Variants in UPF1 observed in about 807,000 individuals in gnomAD.
UPF1 encodes UPF1 RNA helicase and ATPase, also known as regulator of nonsense transcripts 1.
In UPF1, 9 loss-of-function variants were observed where a neutral mutation model predicts 129.2. The ratio of observed to expected loss-of-function variants is 0.07; its 90% CI spans 0.04 to 0.12. The LOEUF is 0.12. UPF1 is among the 10% of genes least tolerant of loss of function. The pLI is 1.00. For synonymous variants in UPF1, 649 were observed against 644.9 expected (o/e 1.01, Z -0.10); for missense variants, 788 against 1,525.3 (o/e 0.52, Z 8.05).
intron 15 of UPF1, among the ~76,000 whole-genome samples, chr19:18,858,959 A>G (rs909420160): frequency 6.6e-6 from 1 of 152,190 alleles, no homozygotes; most frequent in Non-Finnish European, 1.5e-5. Context: ...ATGAACTCCA[A>G]ACCTGTGAGG....
chr19:18,863,327 C>T (rs2055802295), intron 18 of UPF1, 111 bp from the exon 19 acceptor site: 1 of 1,424,320 alleles, frequency 7.0e-7, no homozygotes, highest in Non-Finnish European at 9.6e-7. Context: ...CCGGTCCACG[C>T]CTCTGTTGCC....
At position 18,865,713 on chromosome 19, in the gene UPF1, T is replaced by C; in HGVS notation, c.3172T>C (p.Tyr1058His). The C allele has an allele frequency of 6.2e-7, 1 of 1,613,610 alleles. No homozygotes were observed. Among genetic ancestry groups the C allele is most frequent in the Non-Finnish European group, 8.5e-7 (1 of 1,180,014 alleles). ...PFSQGALTQG[Y>H]ISMSQPSQMS... Reference sequence around the variant, plus strand: ...CTCTCAGGGCGCCCTGACGCAGGGCTACATCTCCATGAGCCAGCCTTCCCA... The same window carrying C: ...CTCTCAGGGCGCCCTGACGCAGGGCCACATCTCCATGAGCCAGCCTTCCCA... Residue 1058 changes from tyrosine (Y) to histidine (H), a missense_variant, in exon 22 of 24, where the codon TAC becomes CAC. Tyr to His is a moderately conservative substitution (Grantham distance 83, BLOSUM62 2). Transcript: ENST00000262803. This position sits in a 1 kb window ranked among gnomAD's most constrained non-coding sequence, Gnocchi z 6.1.
rs1269289902 is a variant in UPF1 at position 18,851,306 on chromosome 19, G to T, written c.810+438G>T. Among the ~76,000 whole-genome samples the T allele has an allele frequency of 6.6e-6, 1 of 152,214 alleles. No homozygotes were observed. Among genetic ancestry groups the T allele is most frequent in the African/African-American group, 2.4e-5 (1 of 41,458 alleles). On this transcript the variant is annotated intron_variant, in intron 5 of 23. Transcript: ENST00000262803. The surrounding 1 kb of genome is among the most constrained non-coding windows in gnomAD (Gnocchi z 4.2). The stretch of plus-strand genomic sequence containing the variant: ...AGAGGAGAGGGTGCCGGGTCAAGTA[G>T]TGGGTGCCTGGCCCTCCTTCCACAG...
chr19:18,852,959 C>A, intron 6 of UPF1, 28 bp from the exon 7 acceptor site: 3 of 1,598,534 alleles, frequency 1.9e-6, no homozygotes, highest in Non-Finnish European at 2.6e-6. Context: ...TGGAGGCTAA[C>A]CGGGGCTCTT....
Position 18,852,141 on chromosome 19 carries a change from C to G in UPF1, c.817C>G (p.Pro273Ala), listed in dbSNP as rs776365278. 1.2e-6 allele frequency: 2 copies of G among 1,605,054 alleles called. No individual in the cohort carries two copies. Among genetic ancestry groups the G allele is most frequent in the South Asian group, 1.1e-5 (1 of 90,196 alleles). ...CGGTGTTGTTGTCTTCTAGGAAAAC[C>G]CTTCTGCCACGCTGGAGGACCTGGA... ...NKLEELWKEN[P>A]SATLEDLEKP... The change falls in exon 6 of 24, where the codon CCT becomes GCT. Residue 273 changes from proline (P) to alanine (A), a missense_variant. By Grantham distance (27) the Pro-to-Ala change is conservative. This residue lies in a region of UPF1 where 227 missense variants were observed against 517.9 expected (regional missense o/e 0.44). Transcript: ENST00000262803.
Position 18,856,004 on chromosome 19 carries a change from G to A in UPF1, c.1624G>A (p.Val542Met), listed in dbSNP as rs763426703. 4 of 1,613,952 alleles carry A rather than the reference G, an allele frequency of 2.5e-6. No homozygotes were observed. The highest frequency in any genetic ancestry group is 1.7e-5 in the Admixed American group (1 of 60,026). The change falls in exon 12 of 24, where the codon GTG (valine) becomes ATG (methionine). Residue 542 changes from valine (V) to methionine (M), a missense_variant. By Grantham distance (21) the Val-to-Met change is conservative. Around this residue, in one of 6 missense-constraint regions of UPF1, gnomAD observed 91 missense variants for 157.2 expected, o/e 0.58. Transcript: ENST00000262803. ...GATCCACCAGACGGGGCTAAAGGTC[G>A]TGCGCCTCTGCGCCAAGAGCCGTGA... ...EKIHQTGLKV[V>M]RLCAKSREAI...
rs946033122 is a variant in UPF1 at position 18,867,798 on chromosome 19, C to T, written c.*1281C>T. On this transcript the variant is annotated 3_prime_UTR_variant, in exon 24 of 24. Coordinates refer to ENST00000262803, the MANE Select transcript of UPF1 (RefSeq NM_002911.4). ...CGCCTGGCTTGGGGTGTCATTCTGC[C>T]TGGCGGCCAGGCCTCCAGCTTCCCC... 5.9e-5 allele frequency: 9 copies of T among 152,364 alleles called. No individual in the cohort carries two copies. Among genetic ancestry groups the T allele is most frequent in the African/African-American group, 1.4e-4 (6 of 41,462 alleles). The allele number at this position is 152,364 out of a possible 1,614,324, so 9.4% of individuals were successfully genotyped here.
At chr19:18,842,807 C>G (rs2055555233) in intron 1 of UPF1, among the ~76,000 whole-genome samples, 1 of 151,920 alleles carries the variant, frequency 6.6e-6, no homozygotes, top group Non-Finnish European at 1.5e-5. Flanking sequence ...CGAGACCAGC[C>G]AGACCAACAT....
chr19:18,849,059 G>A (rs1468607332), intron 3 of UPF1: 1 of 152,372 alleles, frequency 6.6e-6, no homozygotes, highest in Non-Finnish European at 1.5e-5. Flanking sequence ...GGCCCTTAGG[G>A]ATCTTGGCTG....
At chr19:18,866,283 G>A (rs1242371017) in intron 23 of UPF1, 117 bp downstream of exon 23, 2 of 1,401,692 alleles carry the variant, frequency 1.4e-6, no homozygotes, top group Non-Finnish European at 1.9e-6. Context: ...TGCTGTGCCT[G>A]GTGGGGGTCA....
chr19:18,861,068 C>T lies in UPF1; in HGVS notation c.2457+86C>T, dbSNP rs2055773779. On this transcript the variant is annotated intron_variant, in intron 17 of 23. Coordinates refer to ENST00000262803, the MANE Select transcript of UPF1 (RefSeq NM_002911.4). ...CCTTTAAGTTACCCCCCAAGAGGGG[C>T]CCGTCCTGGCTGGAGCTCAGAATGG... The T allele has an allele frequency of 3.4e-6, 5 of 1,463,798 alleles. No homozygotes were observed. In the Admixed American group the frequency reaches 8.9e-5, roughly 26 times the overall value. 90.7% of individuals were successfully genotyped at this position (1,463,798 alleles called of 1,614,324 possible).
At chr19:18,847,306 G>A (rs957747775) in intron 2 of UPF1, among the ~76,000 whole-genome samples, 2 of 152,194 alleles carry the variant, frequency 1.3e-5, no homozygotes, top group South Asian at 2.1e-4. Flanking sequence ...GAGGCTCCTC[G>A]CTTGGGCTTC....
chr19:18,854,975 C>T lies in UPF1; in HGVS notation c.1362C>T (p.Ile454=). The T allele has an allele frequency of 6.2e-7, 1 of 1,614,208 alleles. No homozygotes were observed. The highest frequency in any genetic ancestry group is 1.6e-4 in the Middle Eastern group (1 of 6,062). ...TGGGCCACGAGGTGGAGGACGTAAT[C>T]ATCAAGTGCCAGCTGCCCAAGCGCT... ...KLLGHEVEDV[I]IKCQLPKRFT... The change falls in exon 10 of 24, where the codon ATC becomes ATT. Residue 454 remains isoleucine, a synonymous_variant. Coordinates refer to ENST00000262803, the MANE Select transcript of UPF1 (RefSeq NM_002911.4).
rs773777707 is a variant in UPF1 at position 18,860,307 on chromosome 19, C to A, written c.2183-14C>A. ...AGGGCTTTTGAAGTGTTACTTCTTT[C>A]CCTCCCCTCACAGCGGATCGTGTGA... On this transcript the variant is annotated splice_polypyrimidine_tract_variant and intron_variant, in intron 15 of 23. Transcript: ENST00000262803. The A allele has an allele frequency of 6.2e-7, 1 of 1,613,116 alleles. No individual in the cohort carries two copies. The highest frequency in any genetic ancestry group is 1.7e-5 in the Admixed American group (1 of 59,998).
chr19:18,856,862 T>C lies in UPF1; in HGVS notation c.1825-15T>C. The C allele has an allele frequency of 6.2e-7, 1 of 1,608,122 alleles. No homozygotes were observed. Among genetic ancestry groups the C allele is most frequent in the Non-Finnish European group, 8.5e-7 (1 of 1,177,642 alleles). ...TACAGTGCAGGTGCCCTGATGCCTC[T>C]GCACCCTTCCCCAGAACGCAGATGT... is the stretch of plus-strand genomic sequence containing the variant. On this transcript the variant is annotated splice_polypyrimidine_tract_variant and intron_variant, in intron 13 of 23. Transcript: ENST00000262803.
At chr19:18,847,514 G>T (rs2055613494) in intron 2 of UPF1, among the ~76,000 whole-genome samples, 2 of 152,236 alleles carry the variant, frequency 1.3e-5, no homozygotes, top group South Asian at 2.1e-4. Flanking sequence ...CCTTGGAGGT[G>T]GCTTTGCTCC....
chr19:18,850,971 T>G lies in UPF1; in HGVS notation c.810+103T>G. ...TTGACCCAGTGAGACCGCTGGAGAT[T>G]CTCTGAAAGGAATTCAGGCAGACCT... is the stretch of plus-strand genomic sequence containing the variant. On this transcript the variant is annotated intron_variant, in intron 5 of 23. Transcript: ENST00000262803. This position sits in a 1 kb window ranked among gnomAD's most constrained non-coding sequence, Gnocchi z 7.1. 1.5e-6 allele frequency: 2 copies of G among 1,364,392 alleles called. No individual in the cohort carries two copies. Among genetic ancestry groups the G allele is most frequent in the Non-Finnish European group, 1.9e-6 (2 of 1,038,856 alleles). The allele number at this position is 1,364,392 out of a possible 1,614,324, so 84.5% of individuals were successfully genotyped here. A position where few individuals can be genotyped will look rare whatever the true frequency, so the allele number is the denominator to read the frequency against.
At position 18,850,990 on chromosome 19, in the gene UPF1, C is replaced by T; in HGVS notation, c.810+122C>T. The T allele has an allele frequency of 1.6e-6, 2 of 1,256,816 alleles. No homozygotes were observed. Among genetic ancestry groups the T allele is most frequent in the South Asian group, 1.6e-5 (1 of 60,912 alleles). 77.9% of individuals were successfully genotyped at this position (1,256,816 alleles called of 1,614,324 possible). A position where few individuals can be genotyped will look rare whatever the true frequency, so the allele number is the denominator to read the frequency against. On this transcript the variant is annotated intron_variant, in intron 5 of 23. Transcript: ENST00000262803. This position sits in a 1 kb window ranked among gnomAD's most constrained non-coding sequence, Gnocchi z 7.1. ...GGAGATTCTCTGAAAGGAATTCAGG[C>T]AGACCTCTGCCACCTCTACGTGGAA... is the stretch of plus-strand genomic sequence containing the variant.
chr19:18,865,818 T>G lies in UPF1; in HGVS notation c.3237+40T>G. 1 of 1,608,762 alleles carries G rather than the reference T, an allele frequency of 6.2e-7. No homozygotes were observed. Among genetic ancestry groups the G allele is most frequent in the Non-Finnish European group, 8.5e-7 (1 of 1,179,176 alleles). Reference sequence around the variant, plus strand: ...GGGACGGGACTTACCTGAGTGAGGGTGGGGCTATGCACCTGAAACATTCCC... The same window carrying G: ...GGGACGGGACTTACCTGAGTGAGGGGGGGGCTATGCACCTGAAACATTCCC... On this transcript the variant is annotated intron_variant, in intron 22 of 23. Transcript: ENST00000262803. This position sits in a 1 kb window ranked among gnomAD's most constrained non-coding sequence, Gnocchi z 6.1.
Sources: gnomAD v4.1 joint callset for allele counts (sites outside exome capture counted in the v4.1 genomes callset) on GRCh38, gnomAD v4.1.1 for gene constraint, gnomAD v4.1.1 regional missense constraint, Gnocchi (gnomAD v3.1) non-coding constraint, MANE v1.5 for transcripts, NCBI Gene and HGNC (gene_info 2026-07-23, HGNC 2026-07-21) for gene names.